The following COL14A1 variants were observed in gnomAD, a reference collection of about 807,000 sequenced individuals.
COL14A1 encodes collagen alpha-1(XIV) chain.
In COL14A1, 136 loss-of-function variants were observed where a neutral mutation model predicts 230.3. The observed-to-expected ratio is 0.59, with a 90% CI of 0.51 to 0.68. COL14A1 has a LOEUF of 0.68. COL14A1 is among the 30% of genes least tolerant of loss of function. The pLI is 0.00. For synonymous variants in COL14A1, 792 were observed against 784.1 expected (o/e 1.01, Z -0.17); for missense variants, 1,976 against 2,215.8 (o/e 0.89, Z 2.17).
At chr8:120,295,792 A>G (rs940570852) in intron 34 of COL14A1, among the ~76,000 whole-genome samples, 1 of 151,886 alleles carries the variant, frequency 6.6e-6, no homozygotes, top group Non-Finnish European at 1.5e-5. Context: ...ATGAATAGGT[A>G]CTATTATTAT....
intron 16 of COL14A1, 107 bp from the exon 17 acceptor site, chr8:120,227,113 T>C: frequency 7.7e-7 from 1 of 1,290,762 alleles, no homozygotes; most frequent in African/African-American, 1.5e-5. Context: ...TTCGACAGCC[T>C]TGGAGTTCTT....
At chr8:120,197,342 G>A (rs750799187) in intron 6 of COL14A1, among the ~76,000 whole-genome samples, 4 of 152,046 alleles carry the variant, frequency 2.6e-5, no homozygotes, top group African/African-American at 7.2e-5. Context: ...TTCTAGCCCA[G>A]ATAAGAAGCA....
At chr8:120,308,999 A>T (rs1201427849) in intron 36 of COL14A1, among the ~76,000 whole-genome samples, 1 of 152,114 alleles carries the variant, frequency 6.6e-6, no homozygotes, top group East Asian at 1.9e-4. Context: ...GAGTGCAGTG[A>T]TCTCAGCTCA....
chr8:120,370,835 G>A, intron 47 of COL14A1: 3 of 1,351,758 alleles, frequency 2.2e-6, no homozygotes, highest in Non-Finnish European at 1.9e-6. Context: ...TCTAACATGA[G>A]ATTTTTTAAA....
chr8:120,138,851 A>G (rs1414324455), intron 1 of COL14A1, among the ~76,000 whole-genome samples: 1 of 152,150 alleles, frequency 6.6e-6, no homozygotes, highest in Non-Finnish European at 1.5e-5. Flanking sequence ...TTGTTTTTTA[A>G]TTTACAAAAA....
rs747039467 is a variant in COL14A1, at chr8:120,367,219, A to G, written c.5126A>G (p.Gln1709Arg). The change falls in exon 46 of 48, where the codon CAA (glutamine) becomes CGA (arginine). Residue 1709 changes from glutamine to arginine, a missense_variant. Gln to Arg is a conservative substitution (Grantham distance 43). This residue lies in a region of COL14A1 where 1,791 missense variants were observed against 2,019.5 expected (regional missense o/e 0.89). Coordinates refer to ENST00000297848, the MANE Select transcript of COL14A1 (RefSeq NM_021110.4). Reference protein sequence around the residue: ...GEKGNPGVGTQGPRGPPGPAG... With the variant: ...GEKGNPGVGTRGPRGPPGPAG... Reference sequence around the variant, plus strand: ...AAAGGAAATCCAGGCGTTGGAACCCAAGGTCCAAGAGGCCCCCCTGGACCA... The same window carrying G: ...AAAGGAAATCCAGGCGTTGGAACCCGAGGTCCAAGAGGCCCCCCTGGACCA... 1.9e-6 allele frequency: 3 copies of G among 1,613,592 alleles called. No individual in the cohort carries two copies. Among genetic ancestry groups the G allele is most frequent in the East Asian group, 2.2e-5 (1 of 44,866 alleles).
intron 14 of COL14A1, among the ~76,000 whole-genome samples, chr8:120,218,853 A>G (rs1817845046): frequency 6.6e-6 from 1 of 152,166 alleles, no homozygotes; most frequent in Non-Finnish European, 1.5e-5. Context: ...AGATTCCTGG[A>G]GAGATACCAG....
chr8:120,308,248 C>T (rs1820912616), intron 36 of COL14A1, among the ~76,000 whole-genome samples: 3 of 152,218 alleles, frequency 2.0e-5, no homozygotes, highest in Admixed American at 6.5e-5. Context: ...TCCCAAAGTG[C>T]TGGGATTACA....
chr8:120,166,465 T>C (rs1024415793), intron 4 of COL14A1, among the ~76,000 whole-genome samples: 14 of 152,218 alleles, frequency 9.2e-5, no homozygotes, highest in African/African-American at 2.2e-4. Context: ...CCTGCCTTTC[T>C]TTGGAAGTCT....
chr8:120,197,938 T>C lies in COL14A1; in HGVS notation c.712+8T>C, dbSNP rs753786908. The C allele has an allele frequency of 1.2e-5, 19 of 1,612,900 alleles. No homozygotes were observed. The African/African-American group carries it at 1.7e-4, about 15-fold the overall frequency. ...GAGGAAATACACTAACAGGTATGTT[T>C]TGTTCAATCCATGTTATAACAACAT... On this transcript the variant is annotated splice_region_variant and intron_variant, in intron 7 of 47. Transcript: ENST00000297848.
At chr8:120,145,712 A>G (rs985585066) in intron 1 of COL14A1, among the ~76,000 whole-genome samples, 6 of 152,208 alleles carry the variant, frequency 3.9e-5, no homozygotes, top group African/African-American at 9.7e-5. Flanking sequence ...CATATATTAA[A>G]AGAGATGTGA....
intron 1 of COL14A1, among the ~76,000 whole-genome samples, chr8:120,135,307 AGGCT>A (rs1433315405): frequency 2.6e-5 from 4 of 152,148 alleles, no homozygotes; most frequent in African/African-American, 9.6e-5. Flanking sequence ...TCTGTTGTCC[AGGCT>A]GGAGTGCAGT....
chr8:120,371,307 T>C lies in COL14A1; in HGVS notation c.*76T>C. On this transcript the variant is annotated 3_prime_UTR_variant, in exon 48 of 48. Transcript: ENST00000297848. The stretch of plus-strand genomic sequence containing the variant: ...TGTTTGAGAAAATGTTGTTATGTGG[T>C]TTGTATGCTACTTTTGGGGGGCAGG... 1 of 1,190,424 alleles carries C rather than the reference T, an allele frequency of 8.4e-7. No homozygotes were observed. Among genetic ancestry groups the C allele is most frequent in the Non-Finnish European group, 1.2e-6 (1 of 825,538 alleles). 73.7% of individuals were successfully genotyped at this position (1,190,424 alleles called of 1,614,324 possible). A position where few individuals can be genotyped will look rare whatever the true frequency, so the allele number is the denominator to read the frequency against.
chr8:120,276,354 CAG>C (rs2129866183), intron 26 of COL14A1, among the ~76,000 whole-genome samples: 1 of 149,254 alleles, frequency 6.7e-6, no homozygotes, highest in East Asian at 2.0e-4. Context: ...CTTGGAGACT[CAG>C]AGTGGGGAGG....
At chr8:120,367,856 A>G (rs373448730) in intron 46 of COL14A1, among the ~76,000 whole-genome samples, 3 of 151,746 alleles carry the variant, frequency 2.0e-5, no homozygotes, top group African/African-American at 7.3e-5. Flanking sequence ...GAAACAGAGG[A>G]TCACATGAGC....
At chr8:120,171,806 T>A (rs1292046153) in intron 5 of COL14A1, among the ~76,000 whole-genome samples, 1 of 152,190 alleles carries the variant, frequency 6.6e-6, no homozygotes, top group Non-Finnish European at 1.5e-5. Context: ...TATATTCATA[T>A]TCTTTATCTC....
chr8:120,146,949 A>G (rs960902061), intron 1 of COL14A1, among the ~76,000 whole-genome samples: 5 of 152,090 alleles, frequency 3.3e-5, no homozygotes, highest in Non-Finnish European at 7.4e-5. Flanking sequence ...ATTGTAATCT[A>G]CAATTTGTAG....
chr8:120,279,956 G>T lies in COL14A1; in HGVS notation c.3503G>T (p.Gly1168Val). 6.2e-7 allele frequency: 1 copy of T among 1,613,100 alleles called. No homozygotes were observed. Among genetic ancestry groups the T allele is most frequent in the South Asian group, 1.1e-5 (1 of 90,968 alleles). ...ACAGGCTATAGCATTTTTGCAATTG[G>T]TGTGGCCGATGCAGATTACTCGGAG... ...QLDGYSIFAI[G>V]VADADYSELV... Residue 1168 changes from glycine (G) to valine (V), a missense_variant, in exon 29 of 48, where the codon GGT (glycine) becomes GTT (valine). By Grantham distance (109) the Gly-to-Val change is moderately radical. Transcript: ENST00000297848.
chr8:120,265,316 ATGAC>A (rs1156769453), intron 24 of COL14A1, among the ~76,000 whole-genome samples: 12 of 152,136 alleles, frequency 7.9e-5, no homozygotes, highest in African/African-American at 2.7e-4. Flanking sequence ...AATTATTAAG[ATGAC>A]TGACTACTTC....
Sources: gnomAD v4.1 joint callset for allele counts (sites outside exome capture counted in the v4.1 genomes callset) on GRCh38, gnomAD v4.1.1 for gene constraint, gnomAD v4.1.1 regional missense constraint, MANE v1.5 for transcripts, NCBI Gene and HGNC (gene_info 2026-07-23, HGNC 2026-07-21) for gene names.